Variants in ZNF607 observed in about 807,000 individuals in gnomAD.
ZNF607 encodes the protein zinc finger protein 607.
ZNF607 carries 5 observed loss-of-function variants against 12.8 expected under a neutral mutation model. The observed-to-expected ratio is 0.39, with a 90% confidence interval of 0.20 to 0.82. The LOEUF (loss-of-function observed/expected upper bound fraction) is 0.82. Among genes scored for constraint, ZNF607 ranks in the 40% least tolerant of loss-of-function variants. The probability of loss-of-function intolerance (pLI) is 0.39; values close to 1 mark genes in which losing one functional copy is unlikely to be tolerated. For synonymous variants in ZNF607, 287 were observed against 276.2 expected (o/e 1.04, Z -0.39); for missense variants, 851 against 859.2 (o/e 0.99, Z 0.12).
chr19:37,707,975 T>G lies in ZNF607; in HGVS notation c.174A>C (p.Leu58Phe), dbSNP rs2045100531. 1 of 1,613,952 alleles carries G rather than the reference T, an allele frequency of 6.2e-7. No homozygotes were observed. Among genetic ancestry groups the G allele is most frequent in the African/African-American group, 1.3e-5 (1 of 74,914 alleles). ...TCCATGGCTCTTTTCCTTGCTCCAA[T>G]AAGGTGATTAAATCTGGCTTAGATA... is the stretch of plus-strand genomic sequence containing the variant. ...HSVSKPDLIT[L>F]LEQGKEPWMI... is the part of the protein sequence containing the mutation. The change falls in exon 4 of 5, where the codon TTA becomes TTC. Residue 58 changes from leucine to phenylalanine, a missense_variant. Physicochemically the swap from Leu to Phe is conservative, Grantham distance 22. Transcript: ENST00000355202.
chr19:37,700,028 A>G lies in ZNF607; in HGVS notation c.236-133T>C, dbSNP rs554012189. The G allele has an allele frequency of 8.1e-5, 72 of 893,978 alleles. No homozygotes were observed. In the Admixed American group the frequency reaches 8.7e-4, roughly 11 times the overall value. 55.4% of individuals were successfully genotyped at this position (893,978 alleles called of 1,614,324 possible). The stretch of plus-strand genomic sequence containing the variant: ...TATAAAATATAAAAAATGAAAGGAG[A>G]GCTAAAAAAATGAGTTTGTGCAGTG... On this transcript the variant is annotated intron_variant, in intron 4 of 4. Transcript: ENST00000355202.
chr19:37,700,779 C>T (rs889907483), intron 4 of ZNF607, among the ~76,000 whole-genome samples: 1 of 151,710 alleles, frequency 6.6e-6, no homozygotes, highest in African/African-American at 2.4e-5. Context: ...GGTTAGGAAA[C>T]GGAATAGTGT....
At chr19:37,717,641 C>CAA (rs530962725) in intron 1 of ZNF607, among the ~76,000 whole-genome samples, 4 of 128,808 alleles carry the variant, frequency 3.1e-5, no homozygotes, top group African/African-American at 1.2e-4. Flanking sequence ...ACTAAAAATA[C>CAA]AAAAAAAAAA....
intron 1 of ZNF607, among the ~76,000 whole-genome samples, chr19:37,714,862 CCGT>C (rs1337161879): frequency 1.3e-5 from 2 of 152,030 alleles, no homozygotes; most frequent in Non-Finnish European, 2.9e-5. Flanking sequence ...GCTCATTAAT[CCGT>C]TATTATAAAA....
rs371595705 is a variant in ZNF607 at position 37,698,951 on chromosome 19, C to A, written c.1180G>T (p.Glu394Ter). The change falls in exon 5 of 5, where the codon GAA becomes TAA. Residue 394 changes from glutamate to a stop codon, truncating the protein, a stop_gained. Transcript: ENST00000355202. LOFTEE classifies it low-confidence loss of function (END_TRUNC). ...QGIHSGKKPY[E>*]CNKCGKSFRL... Reference sequence around the variant, plus strand: ...AAGGACTTCCCACATTTGTTACATTCATAGGGTTTCTTACCACTATGAATA... The same window carrying A: ...AAGGACTTCCCACATTTGTTACATTAATAGGGTTTCTTACCACTATGAATA... 5.0e-6 allele frequency: 8 copies of A among 1,613,906 alleles called. No homozygotes were observed. Among genetic ancestry groups the A allele is most frequent in the Admixed American group, 3.3e-5 (2 of 59,998 alleles).
chr19:37,713,754 C>A (rs1180021477), intron 1 of ZNF607, among the ~76,000 whole-genome samples: 1 of 151,920 alleles, frequency 6.6e-6, no homozygotes, highest in Admixed American at 6.6e-5. Flanking sequence ...GTCTTTTTTA[C>A]CACAAAATTC....
At chr19:37,705,056 C>T (rs1468765905) in intron 4 of ZNF607, among the ~76,000 whole-genome samples, 1 of 151,696 alleles carries the variant, frequency 6.6e-6, no homozygotes, top group Non-Finnish European at 1.5e-5. Flanking sequence ...AAATAATAAT[C>T]ATCAGAAAAA....
chr19:37,696,676 G>T lies in ZNF607; in HGVS notation c.*1364C>A. 1.4e-6 allele frequency: 1 copy of T among 712,148 alleles called. No homozygotes were observed. The allele number at this position is 712,148 out of a possible 1,614,324, so 44.1% of individuals were successfully genotyped here. On this transcript the variant is annotated 3_prime_UTR_variant, in exon 5 of 5. Coordinates refer to ENST00000355202, the MANE Select transcript of ZNF607 (RefSeq NM_032689.5). ...TGCCGGCAGGCAGGTGATGTTCCGA[G>T]AGCATGAGAGCTGGTATGCAATGTC...
chr19:37,713,596 T>C (rs545407195), intron 1 of ZNF607, among the ~76,000 whole-genome samples: 1 of 152,038 alleles, frequency 6.6e-6, no homozygotes, highest in African/African-American at 2.4e-5. Context: ...CCTGCCACCA[T>C]ACCCACCTAA....
intron 4 of ZNF607, among the ~76,000 whole-genome samples, chr19:37,701,224 G>T (rs2080094650): frequency 6.6e-6 from 1 of 152,194 alleles, no homozygotes; most frequent in African/African-American, 2.4e-5. Flanking sequence ...ACTTAGAGTT[G>T]TGAGTAAACA....
intron 4 of ZNF607, among the ~76,000 whole-genome samples, chr19:37,704,056 C>A (rs2045060942): frequency 6.6e-6 from 1 of 151,994 alleles, no homozygotes; most frequent in Non-Finnish European, 1.5e-5. Context: ...ATCACTTGAA[C>A]CCCGGAGGCG....
intron 1 of ZNF607, among the ~76,000 whole-genome samples, chr19:37,714,311 A>AACAACAACAAC (rs1555735548): frequency 1.4e-5 from 2 of 139,532 alleles, no homozygotes; most frequent in Non-Finnish European, 3.1e-5. Flanking sequence ...CTCCGTCTCA[A>AACAACAACAAC]AACAACAACA....
At chr19:37,707,164 G>C (rs2045091560) in intron 4 of ZNF607, among the ~76,000 whole-genome samples, 1 of 152,052 alleles carries the variant, frequency 6.6e-6, no homozygotes. Flanking sequence ...TATGAGATTT[G>C]GAAAATGCAT....
intron 4 of ZNF607, among the ~76,000 whole-genome samples, 178 bp from the exon 5 acceptor site, chr19:37,700,073 C>G (rs1460063551): frequency 6.6e-6 from 1 of 152,142 alleles, no homozygotes. Context: ...CTTACACACA[C>G]AGGCACACAT....
chr19:37,697,550 C>T lies in ZNF607; in HGVS notation c.*490G>A. The T allele has an allele frequency of 1.9e-6, 1 of 515,358 alleles. No homozygotes were observed. The highest frequency in any genetic ancestry group is 2.0e-5 in the South Asian group (1 of 48,796). 31.9% of individuals were successfully genotyped at this position (515,358 alleles called of 1,614,324 possible). ...GGATAAATATCTTCCCCCATATCAT[C>T]CCAGCTATAGGAAGCAGATGTTGAT... On this transcript the variant is annotated 3_prime_UTR_variant, in exon 5 of 5. Coordinates refer to ENST00000355202, the MANE Select transcript of ZNF607 (RefSeq NM_032689.5).
chr19:37,707,252 G>A (rs543971306), intron 4 of ZNF607, among the ~76,000 whole-genome samples: 1 of 152,290 alleles, frequency 6.6e-6, no homozygotes, highest in Non-Finnish European at 1.5e-5. Flanking sequence ...GGCACGTTGG[G>A]AGGCTGAGAC....
At chr19:37,708,197 ATT>A (rs879454311) in intron 3 of ZNF607, among the ~76,000 whole-genome samples, 185 bp from the exon 4 acceptor site, 7 of 141,140 alleles carry the variant, frequency 5.0e-5, no homozygotes, top group Non-Finnish European at 7.8e-5. Flanking sequence ...TTCAAAAAAA[ATT>A]TTTTTTTTTT....
rs200214073 is a variant in ZNF607 at position 37,698,220 on chromosome 19, G to A, written c.1911C>T (p.Ser637=). 1.4e-5 allele frequency: 22 copies of A among 1,614,024 alleles called. No homozygotes were observed. In the South Asian group the frequency reaches 1.4e-4, roughly 10 times the overall value. Residue 637 remains serine, a synonymous_variant, in exon 5 of 5, where the codon AGC becomes AGT. Coordinates refer to ENST00000355202, the MANE Select transcript of ZNF607 (RefSeq NM_032689.5). The part of the protein sequence containing the change: ...HCASYLVRHE[S]VHADGNPYMC... The stretch of plus-strand genomic sequence containing the variant: ...TATAGGGATTTCCATCAGCATGAAC[G>A]CTTTCATGTCTAACAAGATATGAGG...
intron 4 of ZNF607, chr19:37,706,354 C>T (rs2045083947): frequency 6.6e-6 from 1 of 152,336 alleles, no homozygotes; most frequent in Admixed American, 6.5e-5. Flanking sequence ...CATGATGTGT[C>T]CTGTAATAGG....
Sources: gnomAD v4.1 joint callset for allele counts (sites outside exome capture counted in the v4.1 genomes callset) on GRCh38, gnomAD v4.1.1 for gene constraint, MANE v1.5 for transcripts, NCBI Gene and HGNC (gene_info 2026-07-23, HGNC 2026-07-21) for gene names.